The following P2RX2 variants were observed in gnomAD, a reference collection of about 807,000 sequenced individuals.
The protein encoded by P2RX2 is purinergic receptor P2X 2.
Under a neutral mutation model 54.8 loss-of-function variants are expected in P2RX2, and 50 were observed. The ratio of observed to expected loss-of-function variants is 0.91; its 90% CI spans 0.73 to 1.15. The LOEUF is 1.15. Among genes scored for constraint, P2RX2 ranks in the 50% most tolerant of loss-of-function variants. The probability of loss-of-function intolerance (pLI) is 0.00; values close to 1 mark genes in which losing one functional copy is unlikely to be tolerated. For synonymous variants in P2RX2, 289 were observed against 259.4 expected (o/e 1.11, Z -1.09); for missense variants, 658 against 633.2 (o/e 1.04, Z -0.42).
In P2RX2 at chr12:132,619,523, C is replaced by T. The variant is rs2041546019; in HGVS notation, c.258C>T (p.Thr86=). 5 of 1,612,530 alleles carry T rather than the reference C, an allele frequency of 3.1e-6. No homozygotes were observed. In the East Asian group the frequency reaches 1.1e-4, roughly 36 times the overall value. Residue 86 remains threonine (T), a synonymous_variant, in exon 2 of 11, where the codon ACC becomes ACT. Coordinates refer to ENST00000643471, the MANE Select transcript of P2RX2 (RefSeq NM_170682.4). ...TCATCACCAAGGTCAAGGGGATCAC[C>T]ACGTCCGAGCACAAAGTGTGGGACG... ...SSIITKVKGI[T]TSEHKVWDVE...
intron 1 of P2RX2, among the ~76,000 whole-genome samples, chr12:132,619,226 C>CTGGGGCTGGAACCAGGGGCGCGGGGCA (rs1555298024): frequency 2.4e-5 from 1 of 42,216 alleles, no homozygotes; most frequent in Non-Finnish European, 4.4e-5. Flanking sequence ...GCTGGAGGCG[C>CTGGGGCTGGAACCAGGGGCGCGGGGCA]GGGGCTGGGG....
In P2RX2 at chr12:132,618,838, T is replaced by C; in HGVS notation, c.22T>C (p.Tyr8His). 1 of 1,333,872 alleles carries C rather than the reference T, an allele frequency of 7.5e-7. No individual in the cohort carries two copies. 82.6% of individuals were successfully genotyped at this position (1,333,872 alleles called of 1,614,324 possible). ...CGCCATGGCCGCCGCCCAGCCCAAG[T>C]ACCCCGCCGGGGCGACCGCCCGGCG... MAAAQPKYPAGATARRLA... is the reference protein window; with the variant it reads MAAAQPKHPAGATARRLA... Residue 8 changes from tyrosine to histidine, a missense_variant, in exon 1 of 11, where the codon TAC (tyrosine) becomes CAC (histidine). Tyr to His is a moderately conservative substitution (Grantham distance 83). Transcript: ENST00000643471.
Position 132,619,181 on chromosome 12 carries a change from G to GGTGCTGGGCTGGA in P2RX2, c.173+193_173+194insTGCTGGGCTGGAG, listed in dbSNP as rs1566290111. Among the ~76,000 whole-genome samples the GGTGCTGGGCTGGA allele has an allele frequency of 3.2e-3, 273 of 84,770 alleles. 11 individuals carry two copies. Among genetic ancestry groups the GGTGCTGGGCTGGA allele is most frequent in the Non-Finnish European group, 3.6e-3 (148 of 41,480 alleles). The allele number at this position is 84,770 out of a possible 152,430, so 55.6% of individuals were successfully genotyped here. On this transcript the variant is annotated intron_variant, in intron 1 of 10. Transcript: ENST00000643471. ...GGCGCGGGGCAGGGGCTGGGACTGG[G>GGTGCTGGGCTGGA]GGCGTGGGGCAGGGGCTGGGACTCG...
At chr12:132,619,377 C>T in intron 1 of P2RX2, 62 bp from the exon 2 acceptor site, 1 of 1,595,250 alleles carries the variant, frequency 6.3e-7, no homozygotes, top group Non-Finnish European at 8.6e-7. Flanking sequence ...CCTGCCGTGC[C>T]TGCGGGCGGG....
In P2RX2 at chr12:132,621,558, G is replaced by A. The variant is rs145966209; in HGVS notation, c.1062+18G>A. The A allele has an allele frequency of 4.1e-5, 66 of 1,591,162 alleles. No individual in the cohort carries two copies. Among genetic ancestry groups the A allele is most frequent in the Non-Finnish European group, 5.6e-5 (65 of 1,167,140 alleles). Reference sequence around the variant, plus strand: ...TCGGGGTGGTAAGGAACCCTCTCTGGGGTCCCAGCGGGTGCGGGGGGTCCA... The same window carrying A: ...TCGGGGTGGTAAGGAACCCTCTCTGAGGTCCCAGCGGGTGCGGGGGGTCCA... On this transcript the variant is annotated intron_variant, in intron 10 of 10. Coordinates refer to ENST00000643471, the MANE Select transcript of P2RX2 (RefSeq NM_170682.4).
chr12:132,620,464 A>G lies in P2RX2; in HGVS notation c.655A>G (p.Thr219Ala). The G allele has an allele frequency of 6.2e-7, 1 of 1,614,098 alleles. No homozygotes were observed. Among genetic ancestry groups the G allele is most frequent in the Non-Finnish European group, 8.5e-7 (1 of 1,180,014 alleles). Reference protein sequence around the residue: ...HFSKGNIADRTDGYLKRCTFH... With the variant: ...HFSKGNIADRADGYLKRCTFH... ...CCTCAGGGGCAACATCGCCGACCGC[A>G]CAGACGGGTACCTGAAGCGCTGCAC... Residue 219 changes from threonine (T) to alanine (A), a missense_variant, in exon 7 of 11, where the codon ACA (threonine) becomes GCA (alanine). Thr to Ala is a moderately conservative substitution (Grantham distance 58). Coordinates refer to ENST00000643471, the MANE Select transcript of P2RX2 (RefSeq NM_170682.4).
chr12:132,618,847 G>T lies in P2RX2; in HGVS notation c.31G>T (p.Gly11Trp). 1 of 1,354,620 alleles carries T rather than the reference G, an allele frequency of 7.4e-7. No individual in the cohort carries two copies. Among genetic ancestry groups the T allele is most frequent in the Non-Finnish European group, 9.6e-7 (1 of 1,046,830 alleles). 83.9% of individuals were successfully genotyped at this position (1,354,620 alleles called of 1,614,324 possible). A position where few individuals can be genotyped will look rare whatever the true frequency, so the allele number is the denominator to read the frequency against. Reference sequence around the variant, plus strand: ...CGCCGCCCAGCCCAAGTACCCCGCCGGGGCGACCGCCCGGCGCCTGGCCCG... The same window carrying T: ...CGCCGCCCAGCCCAAGTACCCCGCCTGGGCGACCGCCCGGCGCCTGGCCCG... The part of the protein sequence containing the change: MAAAQPKYPA[G>W]ATARRLARGC... Residue 11 changes from glycine (G) to tryptophan (W), a missense_variant, in exon 1 of 11, where the codon GGG becomes TGG. Transcript: ENST00000643471.
Position 132,621,442 on chromosome 12 carries a change from A to G in P2RX2, c.997-33A>G, listed in dbSNP as rs377665585. On this transcript the variant is annotated intron_variant, in intron 9 of 10. Coordinates refer to ENST00000643471, the MANE Select transcript of P2RX2 (RefSeq NM_170682.4). ...CCCTTAAGCCCCATCAGACGCCGTCAGACATTCTGACCACGACCCCCATTC... is the reference window on the plus strand; with the variant it reads ...CCCTTAAGCCCCATCAGACGCCGTCGGACATTCTGACCACGACCCCCATTC... The G allele has an allele frequency of 8.9e-6, 14 of 1,578,532 alleles. No homozygotes were observed. In the African/African-American group the frequency reaches 1.9e-4, roughly 21 times the overall value.
At position 132,622,055 on chromosome 12, in the gene P2RX2, G is replaced by A; in HGVS notation, c.*83G>A. The A allele has an allele frequency of 4.4e-6, 7 of 1,592,514 alleles. No homozygotes were observed. Among genetic ancestry groups the A allele is most frequent in the Non-Finnish European group, 4.3e-6 (5 of 1,171,330 alleles). The stretch of plus-strand genomic sequence containing the variant: ...GCTAGGGACCTGCACGTGGACGTGG[G>A]CACCTCAGTAGCGGAGCATCTCCAC... On this transcript the variant is annotated 3_prime_UTR_variant, in exon 11 of 11. Coordinates refer to ENST00000643471, the MANE Select transcript of P2RX2 (RefSeq NM_170682.4).
intron 7 of P2RX2, 111 bp from the exon 8 acceptor site, chr12:132,620,890 G>A (rs2041639685): frequency 1.3e-6 from 1 of 792,204 alleles, no homozygotes; most frequent in South Asian, 2.8e-5. Flanking sequence ...GGCTCTCGAG[G>A]GGCCTCTCGT....
Position 132,618,846 on chromosome 12 carries a change from CG to C in P2RX2, c.34del (p.Ala12ArgfsTer22). The C allele has an allele frequency of 1.5e-6, 2 of 1,354,904 alleles. No homozygotes were observed. The highest frequency in any genetic ancestry group is 3.1e-5 in the Admixed American group (1 of 32,640). The allele number at this position is 1,354,904 out of a possible 1,614,324, so 83.9% of individuals were successfully genotyped here. A position where few individuals can be genotyped will look rare whatever the true frequency, so the allele number is the denominator to read the frequency against. ...CCGCCGCCCAGCCCAAGTACCCCGC[CG>C]GGGCGACCGCCCGGCGCCTGGCCCG... is the stretch of plus-strand genomic sequence containing the variant. MAAAQPKYPA[G>X]ATARRLARGC... On this transcript the variant is annotated frameshift_variant, in exon 1 of 11. Transcript: ENST00000643471. LOFTEE classifies it high-confidence loss of function.
chr12:132,618,954 C>T lies in P2RX2; in HGVS notation c.138C>T (p.Arg46=), dbSNP rs750045882. 7.7e-7 allele frequency: 1 copy of T among 1,297,122 alleles called. No homozygotes were observed. The highest frequency in any genetic ancestry group is 9.9e-7 in the Non-Finnish European group (1 of 1,012,104). 80.4% of individuals were successfully genotyped at this position (1,297,122 alleles called of 1,614,324 possible). ...VRNRRLGVLY[R]AVQLLILLYF... Reference sequence around the variant, plus strand: ...ACCGGCGCCTGGGGGTCCTGTACCGCGCCGTGCAGCTGCTCATCCTGCTCT... The same window carrying T: ...ACCGGCGCCTGGGGGTCCTGTACCGTGCCGTGCAGCTGCTCATCCTGCTCT... Residue 46 remains arginine (R), a synonymous_variant, in exon 1 of 11, where the codon CGC becomes CGT. Transcript: ENST00000643471.
chr12:132,619,487 C>T lies in P2RX2; in HGVS notation c.222C>T (p.Pro74=), dbSNP rs199767345. 1.5e-5 allele frequency: 24 copies of T among 1,612,652 alleles called. No homozygotes were observed. Among genetic ancestry groups the T allele is most frequent in the Non-Finnish European group, 2.0e-5 (23 of 1,179,476 alleles). The change falls in exon 2 of 11, where the codon CCC becomes CCT. Residue 74 remains proline (P), a synonymous_variant. Coordinates refer to ENST00000643471, the MANE Select transcript of P2RX2 (RefSeq NM_170682.4). ...GCTACCAGGAGAGCGAGACGGGCCCCGAGAGCTCCATCATCACCAAGGTCA... is the reference window on the plus strand; with the variant it reads ...GCTACCAGGAGAGCGAGACGGGCCCTGAGAGCTCCATCATCACCAAGGTCA... The part of the protein sequence containing the change: ...QKSYQESETG[P]ESSIITKVKG...
At chr12:132,619,597 C>G (rs200789813) in intron 2 of P2RX2, 23 bp downstream of exon 2, 1 of 1,599,942 alleles carries the variant, frequency 6.3e-7, no homozygotes, top group South Asian at 1.1e-5. Context: ...CCCTGCCCCC[C>G]GCCCCGCCGT....
At chr12:132,621,184 C>G in intron 8 of P2RX2, 53 bp downstream of exon 8, 1 of 1,613,880 alleles carries the variant, frequency 6.2e-7, no homozygotes, top group Non-Finnish European at 8.5e-7. Flanking sequence ...GGTGGGGTCC[C>G]GAGAGGCCCA....
rs757876206 is a variant in P2RX2, at chr12:132,618,814, G to T, written c.-3G>T. The stretch of plus-strand genomic sequence containing the variant: ...CTTCCTGGAGGTGGGGGCCGCCCGC[G>T]CCATGGCCGCCGCCCAGCCCAAGTA... On this transcript the variant is annotated 5_prime_UTR_variant, in exon 1 of 11. Coordinates refer to ENST00000643471, the MANE Select transcript of P2RX2 (RefSeq NM_170682.4). 5 of 1,250,020 alleles carry T rather than the reference G, an allele frequency of 4.0e-6. No homozygotes were observed. Among genetic ancestry groups the T allele is most frequent in the Non-Finnish European group, 5.0e-6 (5 of 991,612 alleles). The allele number at this position is 1,250,020 out of a possible 1,614,324, so 77.4% of individuals were successfully genotyped here.
chr12:132,620,051 G>C lies in P2RX2; in HGVS notation c.509G>C (p.Cys170Ser), dbSNP rs1441732800. ...TATTACCAGGGGCCCTCCAAGACCT[G>C]CGAGGTGTTCGGCTGGTGCCCGGTG... ...VPYYQGPSKT[C>S]EVFGWCPVED... The change falls in exon 5 of 11, where the codon TGC (cysteine) becomes TCC (serine). Residue 170 changes from cysteine to serine, a missense_variant. Coordinates refer to ENST00000643471, the MANE Select transcript of P2RX2 (RefSeq NM_170682.4). The C allele has an allele frequency of 6.3e-7, 1 of 1,590,402 alleles. No homozygotes were observed. Among genetic ancestry groups the C allele is most frequent in the Non-Finnish European group, 8.5e-7 (1 of 1,169,834 alleles).
At position 132,620,526 on chromosome 12, in the gene P2RX2, C is replaced by T. The variant is rs2041614841; in HGVS notation, c.717C>T (p.Phe239=). 1 of 1,613,788 alleles carries T rather than the reference C, an allele frequency of 6.2e-7. No individual in the cohort carries two copies. Among genetic ancestry groups the T allele is most frequent in the Admixed American group, 1.7e-5 (1 of 60,010 alleles). Residue 239 remains phenylalanine (F), a synonymous_variant, in exon 7 of 11, where the codon TTC becomes TTT. Transcript: ENST00000643471. ...CCTCCGACCTCTACTGCCCCATCTT[C>T]AAGCTGGGCTTTATCGTGGAGAAGG... ...HEASDLYCPI[F]KLGFIVEKAG...
rs780589773 is a variant in P2RX2, at chr12:132,618,911, A to T, written c.95A>T (p.Lys32Met). 3.0e-6 allele frequency: 4 copies of T among 1,346,216 alleles called. No homozygotes were observed. The African/African-American group carries it at 6.1e-5, about 21-fold the overall frequency. 83.4% of individuals were successfully genotyped at this position (1,346,216 alleles called of 1,614,324 possible). ...WSALWDYETP[K>M]VIVVRNRRLG... ...GCCCTCTGGGACTACGAGACGCCCAAGGTGATCGTGGTGAGGAACCGGCGC... is the reference window on the plus strand; with the variant it reads ...GCCCTCTGGGACTACGAGACGCCCATGGTGATCGTGGTGAGGAACCGGCGC... The change falls in exon 1 of 11, where the codon AAG becomes ATG. Residue 32 changes from lysine to methionine, a missense_variant. By Grantham distance (95) the Lys-to-Met change is moderately conservative. Transcript: ENST00000643471.
Sources: gnomAD v4.1 joint callset for allele counts (sites outside exome capture counted in the v4.1 genomes callset) on GRCh38, gnomAD v4.1.1 for gene constraint, MANE v1.5 for transcripts, NCBI Gene and HGNC (gene_info 2026-07-23, HGNC 2026-07-21) for gene names.